SLC24A2: variants seen among roughly 807,000 people sequenced by gnomAD.
SLC24A2 encodes solute carrier family 24 member 2.
Under a neutral mutation model 62.0 loss-of-function variants are expected in SLC24A2, and 36 were observed. That is an observed-to-expected ratio of 0.58 (90% CI 0.44 to 0.77). SLC24A2 has a LOEUF of 0.77. Ranked by LOEUF, SLC24A2 falls within the 30% of genes least tolerant of loss-of-function variation. The pLI is 0.00. For synonymous variants in SLC24A2, 358 were observed against 294.0 expected, an observed-to-expected ratio of 1.22 and a Z score of -2.23; for missense variants, 846 against 817.9, an observed-to-expected ratio of 1.03 and a Z score of -0.42.
At chr9:20,145,678 A>G in the SLC24A2 span, among the ~76,000 whole-genome samples, 1 of 151,662 alleles carries the variant, frequency 6.6e-6, no homozygotes, top group Non-Finnish European at 1.5e-5. Flanking sequence ...GTCACATCCA[A>G]CATATACAAT....
At chr9:20,026,373 C>T in the SLC24A2 span, among the ~76,000 whole-genome samples, 5 of 152,274 alleles carry the variant, frequency 3.3e-5, no homozygotes, top group African/African-American at 1.2e-4. Context: ...AAAATGCTTC[C>T]CACAGTGCCT....
At chr9:19,698,063 T>C (rs1820244199) in intron 2 of SLC24A2, among the ~76,000 whole-genome samples, 1 of 152,180 alleles carries the variant, frequency 6.6e-6, no homozygotes, top group Non-Finnish European at 1.5e-5. Flanking sequence ...ATTTATCTTA[T>C]TTAAATGATT....
At chr9:19,855,523 G>C in the SLC24A2 span, among the ~76,000 whole-genome samples, 1 of 152,138 alleles carries the variant, frequency 6.6e-6, no homozygotes, top group South Asian at 2.1e-4. Context: ...GTCTGAAAAG[G>C]ATTTTATTTT....
chr9:20,127,954 G>A, the SLC24A2 span, among the ~76,000 whole-genome samples: 2 of 151,978 alleles, frequency 1.3e-5, no homozygotes, highest in African/African-American at 2.4e-5. Context: ...AGGGAAAGTG[G>A]GTGCAACACA....
chr9:19,929,966 C>A, the SLC24A2 span: 1 of 151,944 alleles, frequency 6.6e-6, no homozygotes. Flanking sequence ...AAAATATTTT[C>A]GTATAGCTAT....
At chr9:20,012,769 T>C in the SLC24A2 span, among the ~76,000 whole-genome samples, 1 of 152,166 alleles carries the variant, frequency 6.6e-6, no homozygotes, top group Non-Finnish European at 1.5e-5. Context: ...CAATAAATCA[T>C]ACATTTATTC....
chr9:19,730,105 G>A (rs1821291636), intron 2 of SLC24A2, among the ~76,000 whole-genome samples: 1 of 152,210 alleles, frequency 6.6e-6, no homozygotes, highest in African/African-American at 2.4e-5. Flanking sequence ...ACCCACAGCA[G>A]CACAGGTGTC....
chr9:20,132,442 T>G, the SLC24A2 span, among the ~76,000 whole-genome samples: 3 of 152,094 alleles, frequency 2.0e-5, no homozygotes, highest in South Asian at 2.1e-4. Context: ...GATTGCTGGA[T>G]TTTTGCTTTT....
chr9:19,634,853 C>T (rs1044617453), intron 2 of SLC24A2, among the ~76,000 whole-genome samples: 8 of 151,410 alleles, frequency 5.3e-5, no homozygotes, highest in Non-Finnish European at 7.4e-5. Context: ...CTTATTAAGA[C>T]AAGAGTTATC....
rs146423286 is a variant in SLC24A2 at position 19,591,222 on chromosome 9, T to C, written c.1129+6007A>G. Among the ~76,000 whole-genome samples the C allele has an allele frequency of 1.6e-3, 246 of 152,336 alleles. 1 individual carries two copies. The highest frequency in any genetic ancestry group is 5.5e-3 in the African/African-American group (229 of 41,588). On this transcript the variant is annotated intron_variant, in intron 5 of 10. Coordinates refer to ENST00000341998, the MANE Select transcript of SLC24A2 (RefSeq NM_020344.4). ...ACCTCTATCCCATGCTCCATACTCC[T>C]ACACCCACCACTTTCTCAACATCTC...
the SLC24A2 span, among the ~76,000 whole-genome samples, chr9:20,106,689 G>A: frequency 4.6e-5 from 7 of 152,142 alleles, no homozygotes; most frequent in African/African-American, 1.4e-4. Flanking sequence ...GGTATTGATG[G>A]GACATATCTC....
At chr9:19,555,239 A>C (rs372134298) in intron 7 of SLC24A2, among the ~76,000 whole-genome samples, 6 of 152,320 alleles carry the variant, frequency 3.9e-5, no homozygotes, top group African/African-American at 1.4e-4. Flanking sequence ...AGTTTATCCT[A>C]ACTGATCTAG....
At chr9:20,258,222 G>A in the SLC24A2 span, among the ~76,000 whole-genome samples, 7 of 152,208 alleles carry the variant, frequency 4.6e-5, no homozygotes, top group Non-Finnish European at 1.0e-4. Context: ...AATTTTGGCT[G>A]TTAACTTGAC....
chr9:19,704,405 G>A (rs569656766), intron 2 of SLC24A2, among the ~76,000 whole-genome samples: 100 of 71,150 alleles, frequency 1.4e-3, no homozygotes, highest in African/African-American at 7.1e-3. Context: ...GAGAGAGAGA[G>A]TGTGTGTATG....
the SLC24A2 span, among the ~76,000 whole-genome samples, chr9:19,811,743 TTTAAC>T: frequency 3.0e-4 from 46 of 152,314 alleles, 1 homozygote; most frequent in South Asian, 9.1e-3. Flanking sequence ...TTTAGATACT[TTTAAC>T]TTAATTATCT....
chr9:20,101,504 A>G, the SLC24A2 span, among the ~76,000 whole-genome samples: 12 of 152,310 alleles, frequency 7.9e-5, no homozygotes, highest in African/African-American at 2.9e-4. Context: ...TAATATATAG[A>G]CATTAATTGT....
intron 7 of SLC24A2, among the ~76,000 whole-genome samples, chr9:19,551,680 C>G (rs918971374): frequency 1.3e-5 from 2 of 152,172 alleles, no homozygotes; most frequent in South Asian, 2.1e-4. Flanking sequence ...ACAGCGCCCC[C>G]CTCCAGCACC....
At chr9:19,547,172 GA>G (rs1366454926) in intron 8 of SLC24A2, among the ~76,000 whole-genome samples, 3 of 152,062 alleles carry the variant, frequency 2.0e-5, no homozygotes, top group African/African-American at 7.2e-5. Context: ...GAAGGAAGTT[GA>G]AAAAAACCAA....
the SLC24A2 span, among the ~76,000 whole-genome samples, chr9:20,106,924 C>T: frequency 3.1e-4 from 47 of 152,208 alleles, no homozygotes; most frequent in Admixed American, 8.5e-4. Context: ...TGTTTGCAGA[C>T]GACATGATTG....
Sources: allele counts gnomAD v4.1 joint callset (sites outside exome capture counted in the v4.1 genomes callset), GRCh38; gene constraint gnomAD v4.1.1; transcripts MANE v1.5; gene names NCBI Gene and HGNC (gene_info 2026-07-23, HGNC 2026-07-21).